NELL1: variants seen among roughly 807,000 people sequenced by gnomAD.
NELL1 encodes the protein neural EGFL like 1.
Under a neutral mutation model 107.4 loss-of-function variants are expected in NELL1, and 76 were observed. That is an observed-to-expected ratio of 0.71 (90% CI 0.59 to 0.86). The LOEUF (loss-of-function observed/expected upper bound fraction) is 0.86, where lower values mean the gene tolerates loss of function less well. Among genes scored for constraint, NELL1 ranks in the 40% least tolerant of loss-of-function variants. The pLI, the probability that NELL1 is intolerant of heterozygous loss-of-function variation, is 0.00. For synonymous variants in NELL1, 353 were observed against 341.2 expected (o/e 1.03, Z -0.38); for missense variants, 1,024 against 1,005.5 (o/e 1.02, Z -0.25).
At chr11:21,129,214 T>C (rs990934994) in intron 13 of NELL1, among the ~76,000 whole-genome samples, 5 of 152,100 alleles carry the variant, frequency 3.3e-5, no homozygotes, top group African/African-American at 4.8e-5. Context: ...ATGGTCTAAA[T>C]GAGAGACTTA....
At chr11:20,704,957 G>T (rs1854902930) in intron 2 of NELL1, among the ~76,000 whole-genome samples, 1 of 152,136 alleles carries the variant, frequency 6.6e-6, no homozygotes, top group Admixed American at 6.6e-5. Context: ...ATTTACAAGG[G>T]ATGTGAAGGA....
At chr11:20,815,533 C>A (rs1857605933) in intron 3 of NELL1, among the ~76,000 whole-genome samples, 1 of 152,112 alleles carries the variant, frequency 6.6e-6, no homozygotes, top group South Asian at 2.1e-4. Flanking sequence ...GATTTAAGTC[C>A]CTTGTAGATT....
At chr11:20,961,434 C>T (rs11822635) in intron 12 of NELL1, among the ~76,000 whole-genome samples, 1,531 of 152,142 alleles carry the variant, frequency 0.01, 21 homozygotes, top group African/African-American at 0.035. Flanking sequence ...CCAATTATTC[C>T]TGCTGTCTTC....
At chr11:21,155,491 A>G (rs551349067) in intron 13 of NELL1, among the ~76,000 whole-genome samples, 31 of 152,170 alleles carry the variant, frequency 2.0e-4, no homozygotes, top group Non-Finnish European at 3.7e-4. Context: ...AGCCAAGGAA[A>G]CTGAGAAGTA....
intron 13 of NELL1, among the ~76,000 whole-genome samples, chr11:21,141,484 A>G (rs1855866847): frequency 6.6e-6 from 1 of 152,168 alleles, no homozygotes; most frequent in South Asian, 2.1e-4. Flanking sequence ...ACATAATAAA[A>G]ACCAGTTCCT....
intron 12 of NELL1, among the ~76,000 whole-genome samples, chr11:21,060,313 A>G (rs1192474123): frequency 6.6e-6 from 1 of 152,150 alleles, no homozygotes; most frequent in Non-Finnish European, 1.5e-5. Context: ...TATTTCCTTC[A>G]TAGGATTGTT....
chr11:20,726,164 T>TCGTCC (rs1855503471), intron 2 of NELL1, among the ~76,000 whole-genome samples: 1 of 152,240 alleles, frequency 6.6e-6, no homozygotes, highest in Non-Finnish European at 1.5e-5. Flanking sequence ...CACCTAGGTT[T>TCGTCC]AGTCCATGTC....
At chr11:21,246,926 G>A (rs879473410) in intron 14 of NELL1, among the ~76,000 whole-genome samples, 15 of 152,118 alleles carry the variant, frequency 9.9e-5, no homozygotes, top group Non-Finnish European at 1.3e-4. Context: ...TGGGGGAACC[G>A]CCCCCATGAT....
At chr11:21,214,636 C>A (rs916796654) in intron 13 of NELL1, among the ~76,000 whole-genome samples, 1 of 152,036 alleles carries the variant, frequency 6.6e-6, no homozygotes, top group Non-Finnish European at 1.5e-5. Context: ...TGGTAGTTTT[C>A]TTGGAAACTA....
At chr11:21,078,172 T>A (rs2134390114) in intron 12 of NELL1, among the ~76,000 whole-genome samples, 1 of 152,214 alleles carries the variant, frequency 6.6e-6, no homozygotes, top group South Asian at 2.1e-4. Flanking sequence ...AGAGCTTTTC[T>A]CTGCAAAAGA....
chr11:21,278,399 CA>C (rs1848918580), intron 14 of NELL1, among the ~76,000 whole-genome samples: 1 of 151,948 alleles, frequency 6.6e-6, no homozygotes, highest in Non-Finnish European at 1.5e-5. Context: ...TTTAAAAAAT[CA>C]ATTAAAAAAT....
chr11:21,335,809 T>C (rs1850377440), intron 14 of NELL1, among the ~76,000 whole-genome samples: 1 of 152,080 alleles, frequency 6.6e-6, no homozygotes, highest in Non-Finnish European at 1.5e-5. Context: ...AGAGAGCCAA[T>C]TGACTGATGG....
chr11:21,357,262 A>G (rs1450527629), intron 14 of NELL1, among the ~76,000 whole-genome samples: 1 of 152,152 alleles, frequency 6.6e-6, no homozygotes, highest in African/African-American at 2.4e-5. Context: ...AATAGTTTGT[A>G]TTCTCACCAG....
At chr11:21,170,100 T>C in intron 13 of NELL1, 1 of 894,054 alleles carries the variant, frequency 1.1e-6, no homozygotes. Flanking sequence ...CAAAAGGATG[T>C]GGAGGCAAAA....
chr11:20,903,822 G>T (rs1849932087), intron 5 of NELL1, among the ~76,000 whole-genome samples: 1 of 152,066 alleles, frequency 6.6e-6, no homozygotes, highest in South Asian at 2.1e-4. Context: ...AACTTTGTTG[G>T]AACTTAGGAA....
chr11:21,126,715 C>T, intron 13 of NELL1, among the ~76,000 whole-genome samples: 1 of 152,174 alleles, frequency 6.6e-6, no homozygotes, highest in South Asian at 2.1e-4. Context: ...AATAACAGGG[C>T]ACCTTAAGAT....
At chr11:21,228,793 G>T (rs1417275362) in intron 13 of NELL1, among the ~76,000 whole-genome samples, 6 of 145,790 alleles carry the variant, frequency 4.1e-5, no homozygotes. Flanking sequence ...TGAGGGGAAG[G>T]TTTCCAATTG....
intron 16 of NELL1, among the ~76,000 whole-genome samples, chr11:21,537,074 C>A (rs116468560): frequency 3.3e-4 from 50 of 152,240 alleles, no homozygotes; most frequent in African/African-American, 1.1e-3. Flanking sequence ...GGGTAGTAGT[C>A]TGAATTTCTT....
At chr11:21,084,899 CT>C (rs1260428881) in intron 12 of NELL1, among the ~76,000 whole-genome samples, 1 of 152,146 alleles carries the variant, frequency 6.6e-6, no homozygotes, top group East Asian at 1.9e-4. Flanking sequence ...CAGAATTAGA[CT>C]ACCTGGTATT....
Sources: gnomAD v4.1 joint callset for allele counts (sites outside exome capture counted in the v4.1 genomes callset) on GRCh38, gnomAD v4.1.1 for gene constraint, MANE v1.5 for transcripts, NCBI Gene and HGNC (gene_info 2026-07-23, HGNC 2026-07-21) for gene names.